The following ARMC9 variants were observed in gnomAD, a reference collection of about 807,000 sequenced individuals.
ARMC9 encodes lisH domain-containing protein ARMC9.
ARMC9 carries 94 observed loss-of-function variants against 107.0 expected under a neutral mutation model. The ratio of observed to expected loss-of-function variants is 0.88; its 90% CI spans 0.74 to 1.04. The LOEUF (loss-of-function observed/expected upper bound fraction) is 1.04. Among genes scored for constraint, ARMC9 ranks in the 50% least tolerant of loss-of-function variants. ARMC9 has a pLI of 0.00. For synonymous variants in ARMC9, 380 were observed against 396.9 expected, an observed-to-expected ratio of 0.96 and a Z score of 0.51; for missense variants, 942 against 1,030.1, an observed-to-expected ratio of 0.91 and a Z score of 1.17.
At chr2:231,219,666 TCAA>T in intron 5 of ARMC9, among the ~76,000 whole-genome samples, 1 of 152,326 alleles carries the variant, frequency 6.6e-6, no homozygotes, top group African/African-American at 2.4e-5. Context: ...TTTGTGTCTT[TCAA>T]CAACTCTGAA....
rs757410891 is a variant in ARMC9 at position 231,331,888 on chromosome 2, G to A, written c.1869G>A (p.Glu623=). 15 of 1,611,550 alleles carry A rather than the reference G, an allele frequency of 9.3e-6. No individual in the cohort carries two copies. The highest frequency in any genetic ancestry group is 1.7e-5 in the Admixed American group (1 of 59,940). The part of the protein sequence containing the change: ...ELSGEKLLTT[E]YLGIMTNTGK... Reference sequence around the variant, plus strand: ...CAGGAGAGAAGCTTCTGACCACGGAGTACCTGGGGGTAAGTGCCACACAAA... The same window carrying A: ...CAGGAGAGAAGCTTCTGACCACGGAATACCTGGGGGTAAGTGCCACACAAA... The change falls in exon 20 of 25, where the codon GAG becomes GAA. Residue 623 remains glutamate (E), a synonymous_variant. Transcript: ENST00000611582.
In ARMC9 at chr2:231,273,019, G is replaced by A. The variant is rs1258512132; in HGVS notation, c.1275G>A (p.Glu425=). 6.2e-7 allele frequency: 1 copy of A among 1,613,990 alleles called. No individual in the cohort carries two copies. The highest frequency in any genetic ancestry group is 1.1e-5 in the South Asian group (1 of 91,070). ...LQMLEGRLKE[E]DKDIITRENV... is the part of the protein sequence containing the mutation. ...TGCTGGAGGGAAGGCTGAAGGAGGA[G>A]GACAAGGATATCATCACCAGGGAGA... The change falls in exon 14 of 25, where the codon GAG becomes GAA. Residue 425 remains glutamate, a synonymous_variant. Transcript: ENST00000611582.
intron 23 of ARMC9, among the ~76,000 whole-genome samples, chr2:231,366,823 G>C (rs1386372792): frequency 6.7e-6 from 1 of 148,848 alleles, no homozygotes; most frequent in East Asian, 2.0e-4. Context: ...CCTGGTGATA[G>C]AGCGAGACTC....
At chr2:231,230,946 A>G (rs1317438914) in intron 7 of ARMC9, among the ~76,000 whole-genome samples, 3 of 152,212 alleles carry the variant, frequency 2.0e-5, no homozygotes, top group African/African-American at 4.8e-5. Context: ...AAATGGTCAC[A>G]AACATTTCAG....
At chr2:231,333,020 A>G (rs2043847659) in intron 20 of ARMC9, among the ~76,000 whole-genome samples, 2 of 152,122 alleles carry the variant, frequency 1.3e-5, no homozygotes, top group South Asian at 4.1e-4. Context: ...GCTTTATGGG[A>G]GCAGGTGGAA....
intron 12 of ARMC9, among the ~76,000 whole-genome samples, chr2:231,268,275 A>G (rs1242235589): frequency 6.6e-6 from 1 of 152,166 alleles, no homozygotes; most frequent in Admixed American, 6.5e-5. Context: ...AGTTAGCCAC[A>G]TGTTCGCTTT....
In ARMC9 at chr2:231,266,845, C is replaced by T. The variant is rs551297107; in HGVS notation, c.1120-4137C>T. 3.2e-4 allele frequency among the ~76,000 whole-genome samples: 49 copies of T among 152,318 alleles called. No individual in the cohort carries two copies. The South Asian group carries it at 1.0e-2, about 31-fold the overall frequency. Reference sequence around the variant, plus strand: ...CCATATTTTGCGTATCTATCTCTTCCTCCGTCAGTAGAAGCTACTGTGGAT... The same window carrying T: ...CCATATTTTGCGTATCTATCTCTTCTTCCGTCAGTAGAAGCTACTGTGGAT... On this transcript the variant is annotated intron_variant, in intron 12 of 24. Coordinates refer to ENST00000611582, the MANE Select transcript of ARMC9 (RefSeq NM_001352754.2).
chr2:231,272,806 G>A (rs907759679), intron 13 of ARMC9, 149 bp from the exon 14 acceptor site: 39 of 1,013,116 alleles, frequency 3.8e-5, no homozygotes, highest in African/African-American at 4.9e-5. Context: ...GTGAGCCACC[G>A]CGCCCTGCCC....
intron 19 of ARMC9, among the ~76,000 whole-genome samples, chr2:231,309,635 A>G (rs2042225412): frequency 6.6e-6 from 1 of 152,126 alleles, no homozygotes; most frequent in African/African-American, 2.4e-5. Context: ...GTTCCTTGCA[A>G]CTTCAGAATT....
rs1559513576 is a variant in ARMC9 at position 231,371,727 on chromosome 2, C to T, written c.*192C>T. ...CCCCGCCAGCCGGGTCACTTTCTCC[C>T]AGGGCAGAGCCACCAAGGAGGGCTG... On this transcript the variant is annotated 3_prime_UTR_variant, in exon 25 of 25. Coordinates refer to ENST00000611582, the MANE Select transcript of ARMC9 (RefSeq NM_001352754.2). 1.4e-5 allele frequency: 7 copies of T among 491,688 alleles called. No homozygotes were observed. Among genetic ancestry groups the T allele is most frequent in the Non-Finnish European group, 2.2e-5 (7 of 312,508 alleles). The allele number at this position is 491,688 out of a possible 1,614,324, so 30.5% of individuals were successfully genotyped here. A position where few individuals can be genotyped will look rare whatever the true frequency, so the allele number is the denominator to read the frequency against.
At chr2:231,296,299 T>A (rs1371151350) in intron 19 of ARMC9, 46 bp downstream of exon 19, 43 of 1,470,904 alleles carry the variant, frequency 2.9e-5, no homozygotes, top group Non-Finnish European at 3.9e-5. Flanking sequence ...CATACCAAAC[T>A]ATTCTCTCTT....
intron 19 of ARMC9, among the ~76,000 whole-genome samples, chr2:231,315,136 G>A (rs550815797): frequency 3.9e-4 from 59 of 151,940 alleles, no homozygotes; most frequent in Non-Finnish European, 6.9e-4. Flanking sequence ...TTACTTGGGA[G>A]GCTGAGGCAG....
intron 9 of ARMC9, among the ~76,000 whole-genome samples, chr2:231,249,534 G>A (rs1310373706): frequency 6.6e-6 from 1 of 152,086 alleles, no homozygotes; most frequent in Non-Finnish European, 1.5e-5. Context: ...AGGGAGAGCA[G>A]CTGCTCTGGG....
chr2:231,317,181 T>A (rs1474315356), intron 19 of ARMC9, among the ~76,000 whole-genome samples: 1 of 152,042 alleles, frequency 6.6e-6, no homozygotes, highest in Non-Finnish European at 1.5e-5. Context: ...TGGAACTTTT[T>A]TTTTTTTGAG....
At chr2:231,227,340 A>T (rs2034741392) in intron 7 of ARMC9, among the ~76,000 whole-genome samples, 1 of 152,216 alleles carries the variant, frequency 6.6e-6, no homozygotes. Context: ...GAAAAAGTGT[A>T]GTTAATATGA....
rs777503615 is a variant in ARMC9 at position 231,206,240 on chromosome 2, T to TG, written c.7dup (p.Asp3?). ...ATTAATTACCAGTAACAGTTCAATA[T>TG]GGGGGACATTCTGGCTCATGAATCT... On this transcript the variant is annotated frameshift_variant and start_lost, in exon 2 of 25. Coordinates refer to ENST00000611582, the MANE Select transcript of ARMC9 (RefSeq NM_001352754.2). LOFTEE classifies it high-confidence loss of function. 2 of 1,613,510 alleles carry TG rather than the reference T, an allele frequency of 1.2e-6. No homozygotes were observed. Among genetic ancestry groups the TG allele is most frequent in the Admixed American group, 1.7e-5 (1 of 59,978 alleles).
chr2:231,361,048 C>T (rs576328451), intron 23 of ARMC9, among the ~76,000 whole-genome samples, 165 bp downstream of exon 23: 3 of 152,336 alleles, frequency 2.0e-5, no homozygotes, highest in East Asian at 3.9e-4. Flanking sequence ...GGAGTGCAGC[C>T]GCCACTCCTG....
intron 21 of ARMC9, among the ~76,000 whole-genome samples, chr2:231,351,028 G>A (rs1436375236): frequency 4.1e-5 from 5 of 122,350 alleles, no homozygotes; most frequent in Admixed American, 1.0e-4. Context: ...GCACGATCTC[G>A]GCTCACTGCA....
At chr2:231,289,909 C>G (rs1044915878) in intron 17 of ARMC9, among the ~76,000 whole-genome samples, 1 of 152,196 alleles carries the variant, frequency 6.6e-6, no homozygotes, top group Non-Finnish European at 1.5e-5. Context: ...CTTCAGCTAC[C>G]AGATCTCTCT....
Sources: gnomAD v4.1 joint callset for allele counts (sites outside exome capture counted in the v4.1 genomes callset) on GRCh38, gnomAD v4.1.1 for gene constraint, MANE v1.5 for transcripts, NCBI Gene and HGNC (gene_info 2026-07-23, HGNC 2026-07-21) for gene names.